Variants in LRP1B observed in about 807,000 individuals in gnomAD.
The protein encoded by LRP1B is low-density lipoprotein receptor-related protein 1B.
A neutral mutation model predicts 556.6 loss-of-function variants in LRP1B; 217 were observed. The ratio of observed to expected loss-of-function variants is 0.39; its 90% CI spans 0.35 to 0.44. The LOEUF (loss-of-function observed/expected upper bound fraction) is 0.44, where lower values mean the gene tolerates loss of function less well. Ranked by LOEUF, LRP1B falls within the 20% of genes least tolerant of loss-of-function variation. The pLI is 1.00. For synonymous variants in LRP1B, 2,047 were observed against 1,865.8 expected (o/e 1.10, Z -2.50); for missense variants, 5,053 against 5,620.8 (o/e 0.90, Z 3.23).
At chr2:140,946,931 C>T (rs1695565604) in intron 20 of LRP1B, among the ~76,000 whole-genome samples, 1 of 152,054 alleles carries the variant, frequency 6.6e-6, no homozygotes, top group South Asian at 2.1e-4. Context: ...AACAGAAAAC[C>T]ATATATTAGA....
At chr2:141,045,326 C>T (rs1157539837) in intron 11 of LRP1B, among the ~76,000 whole-genome samples, 3 of 149,490 alleles carry the variant, frequency 2.0e-5, no homozygotes, top group Non-Finnish European at 3.0e-5. Context: ...TGCTAGATGA[C>T]GAGATAGTGG....
intron 67 of LRP1B, 33 bp downstream of exon 67, chr2:140,385,860 A>C: frequency 6.9e-7 from 1 of 1,451,212 alleles, no homozygotes; most frequent in Non-Finnish European, 9.7e-7. Flanking sequence ...TGGGCTGTCA[A>C]GCTCAAAACA....
chr2:141,558,367 C>T (rs555935209), intron 2 of LRP1B, among the ~76,000 whole-genome samples: 2 of 151,406 alleles, frequency 1.3e-5, no homozygotes, highest in Non-Finnish European at 3.0e-5. Flanking sequence ...ATTTTTTTTC[C>T]CTTGGCAAGT....
chr2:141,028,348 A>C (rs146217394), intron 11 of LRP1B, among the ~76,000 whole-genome samples: 3 of 151,838 alleles, frequency 2.0e-5, no homozygotes, highest in African/African-American at 7.2e-5. Flanking sequence ...TTCAAGGTAG[A>C]TATGTATCTC....
chr2:140,835,892 G>A (rs931387206), intron 31 of LRP1B, among the ~76,000 whole-genome samples: 1 of 152,224 alleles, frequency 6.6e-6, no homozygotes, highest in Non-Finnish European at 1.5e-5. Context: ...CCATGTGCAC[G>A]TTAATACAGT....
chr2:141,799,640 A>ATCCTCACTTCTGAACCC, intron 2 of LRP1B, among the ~76,000 whole-genome samples: 1 of 152,102 alleles, frequency 6.6e-6, no homozygotes, highest in African/African-American at 2.4e-5. Flanking sequence ...GGCCTTATGG[A>ATCCTCACTTCTGAACCC]TCCTCACTTC....
rs183594573 is a variant in LRP1B at position 140,581,251 on chromosome 2, C to T, written c.7194+17380G>A. ...AAGGTAACATTATTCAAAGTTTTCG[C>T]CTTTGATTTACTATTTCTGTTCAAC... On this transcript the variant is annotated intron_variant, in intron 43 of 90. Transcript: ENST00000389484. 7.2e-5 allele frequency among the ~76,000 whole-genome samples: 11 copies of T among 152,274 alleles called. No individual in the cohort carries two copies. The East Asian group carries it at 2.1e-3, about 29-fold the overall frequency.
chr2:141,206,292 G>A (rs189608947), intron 6 of LRP1B, among the ~76,000 whole-genome samples: 124 of 152,126 alleles, frequency 8.2e-4, no homozygotes, highest in Admixed American at 2.4e-3. Context: ...CTTCTATTAA[G>A]AACGAATTGC....
chr2:141,819,084 CA>C (rs1306112993), intron 1 of LRP1B, among the ~76,000 whole-genome samples: 2 of 125,772 alleles, frequency 1.6e-5, no homozygotes, highest in East Asian at 5.0e-4. Flanking sequence ...ACTAAAAATT[CA>C]AAAATTAACC....
At chr2:142,044,999 A>G (rs994134664) in intron 1 of LRP1B, among the ~76,000 whole-genome samples, 1 of 151,830 alleles carries the variant, frequency 6.6e-6, no homozygotes, top group African/African-American at 2.4e-5. Flanking sequence ...TATAAAAAGT[A>G]AGAGAAAACT....
At chr2:141,694,563 G>T (rs1691663908) in intron 2 of LRP1B, among the ~76,000 whole-genome samples, 1 of 124,990 alleles carries the variant, frequency 8.0e-6, no homozygotes, top group Non-Finnish European at 1.7e-5. Context: ...CATTCAGTTT[G>T]ACCTTATTCC....
At chr2:141,431,333 C>T (rs4387727) in intron 3 of LRP1B, among the ~76,000 whole-genome samples, 1 of 151,642 alleles carries the variant, frequency 6.6e-6, no homozygotes, top group African/African-American at 2.4e-5. Context: ...GCTACACATA[C>T]GGACTGAGAA....
chr2:140,613,778 T>C (rs1683165536), intron 41 of LRP1B, among the ~76,000 whole-genome samples: 1 of 152,068 alleles, frequency 6.6e-6, no homozygotes, highest in Non-Finnish European at 1.5e-5. Flanking sequence ...CCCAGAAAAG[T>C]CAAGAATGAT....
At chr2:140,536,486 T>C in intron 46 of LRP1B, 95 bp downstream of exon 46, 1 of 1,193,460 alleles carries the variant, frequency 8.4e-7, no homozygotes, top group Non-Finnish European at 1.2e-6. Context: ...ATTAAATAAA[T>C]TATCCACGTA....
intron 7 of LRP1B, among the ~76,000 whole-genome samples, chr2:141,121,014 A>G (rs551635489): frequency 6.6e-6 from 1 of 152,168 alleles, no homozygotes; most frequent in East Asian, 1.9e-4. Flanking sequence ...CTTCTGGGCT[A>G]AGCAATTTAT....
rs573734390 is a variant in LRP1B at position 140,352,610 on chromosome 2, C to T, written c.11650+343G>A. Among the ~76,000 whole-genome samples the T allele has an allele frequency of 2.0e-5, 3 of 151,912 alleles. 1 individual carries two copies. The highest frequency in any genetic ancestry group is 4.2e-4 in the South Asian group (2 of 4,818). Reference sequence around the variant, plus strand: ...TATAATGCTAATGTTTATTTTTATCCCTGGGGTATAATTTTTCTCATATTC... The same window carrying T: ...TATAATGCTAATGTTTATTTTTATCTCTGGGGTATAATTTTTCTCATATTC... On this transcript the variant is annotated intron_variant, in intron 76 of 90. Transcript: ENST00000389484.
intron 72 of LRP1B, among the ~76,000 whole-genome samples, chr2:140,361,852 C>G (rs1000861485): frequency 3.3e-5 from 5 of 151,518 alleles, no homozygotes; most frequent in African/African-American, 1.2e-4. Context: ...ATGTGAGATT[C>G]AAGCATCTAA....
chr2:140,502,594 A>G (rs1689245798), intron 54 of LRP1B, among the ~76,000 whole-genome samples: 1 of 152,074 alleles, frequency 6.6e-6, no homozygotes, highest in Admixed American at 6.6e-5. Context: ...CTAATTATGA[A>G]TAATACAGAC....
chr2:140,460,114 T>G (rs1687256638), intron 60 of LRP1B, among the ~76,000 whole-genome samples: 1 of 152,050 alleles, frequency 6.6e-6, no homozygotes, highest in South Asian at 2.1e-4. Flanking sequence ...ATGTGGAAAA[T>G]TTAAGTAACT....
Sources: gnomAD v4.1 joint callset for allele counts (sites outside exome capture counted in the v4.1 genomes callset) on GRCh38, gnomAD v4.1.1 for gene constraint, MANE v1.5 for transcripts, NCBI Gene and HGNC (gene_info 2026-07-23, HGNC 2026-07-21) for gene names.